The following PDE4B variants were observed in gnomAD, a reference collection of about 807,000 sequenced individuals.
The protein encoded by PDE4B is phosphodiesterase 4B.
A neutral mutation model predicts 82.2 loss-of-function variants in PDE4B; 20 were observed. The ratio of observed to expected loss-of-function variants is 0.24; its 90% CI spans 0.17 to 0.35. The LOEUF is 0.35. PDE4B is among the 10% of genes least tolerant of loss of function. The pLI is 1.00. For synonymous variants in PDE4B, 320 were observed against 318.9 expected, an observed-to-expected ratio of 1.00 and a Z score of -0.04; for missense variants, 655 against 907.2, an observed-to-expected ratio of 0.72 and a Z score of 3.57.
intron 12 of PDE4B, among the ~76,000 whole-genome samples, chr1:66,365,270 G>T (rs1390201306): frequency 6.6e-6 from 1 of 152,170 alleles, no homozygotes; most frequent in East Asian, 1.9e-4. Context: ...ATTCAGCTAA[G>T]AGTATATGAA....
At chr1:66,093,095 A>G (rs1017523307) in intron 3 of PDE4B, among the ~76,000 whole-genome samples, 37 of 152,150 alleles carry the variant, frequency 2.4e-4, no homozygotes, top group African/African-American at 8.9e-4. Context: ...CCCCAGTAGG[A>G]CAGGGTTTGT....
rs12047768 is a variant in PDE4B, at chr1:66,335,534, A to T, written c.747+2914A>T. Among the ~76,000 whole-genome samples the T allele has an allele frequency of 2.0e-5, 3 of 152,346 alleles. No homozygotes were observed. In the East Asian group the frequency reaches 5.8e-4, roughly 29 times the overall value. Reference sequence around the variant, plus strand: ...CTGAGTGATTCAAATCTCCTAAAAGACTTTCTCAAATGTACTTCATAGCCT... The same window carrying T: ...CTGAGTGATTCAAATCTCCTAAAAGTCTTTCTCAAATGTACTTCATAGCCT... On this transcript the variant is annotated intron_variant, in intron 8 of 16. Transcript: ENST00000341517.
At chr1:65,841,786 T>C (rs1646210495) in intron 1 of PDE4B, among the ~76,000 whole-genome samples, 1 of 152,150 alleles carries the variant, frequency 6.6e-6, no homozygotes, top group African/African-American at 2.4e-5. Flanking sequence ...TTTTAATCAA[T>C]AGATTAAAAG....
At chr1:66,014,590 G>A (rs562488955) in intron 3 of PDE4B, among the ~76,000 whole-genome samples, 3 of 152,198 alleles carry the variant, frequency 2.0e-5, no homozygotes, top group East Asian at 1.9e-4. Flanking sequence ...ACAGATTTAA[G>A]GGAAACTCAG....
chr1:66,011,911 C>T (rs1428079006), intron 3 of PDE4B, among the ~76,000 whole-genome samples: 1 of 152,004 alleles, frequency 6.6e-6, no homozygotes, highest in Admixed American at 6.6e-5. Context: ...TTGATGGATA[C>T]ATAAAGAATT....
intron 3 of PDE4B, among the ~76,000 whole-genome samples, chr1:65,927,070 G>A (rs1331506974): frequency 2.0e-5 from 3 of 151,962 alleles, no homozygotes; most frequent in Non-Finnish European, 2.9e-5. Context: ...AAACAAAACT[G>A]AGGAAACTCA....
At chr1:66,323,872 A>G (rs1659577587) in intron 7 of PDE4B, among the ~76,000 whole-genome samples, 1 of 152,158 alleles carries the variant, frequency 6.6e-6, no homozygotes, top group African/African-American at 2.4e-5. Flanking sequence ...TATTTTGTCA[A>G]TATATTTACT....
intron 3 of PDE4B, among the ~76,000 whole-genome samples, chr1:66,080,716 T>C (rs1656677942): frequency 6.6e-6 from 1 of 152,166 alleles, no homozygotes; most frequent in African/African-American, 2.4e-5. Context: ...TTGGAGATTT[T>C]TATTTTGAAA....
At chr1:66,359,888 GTTCTATGC>G (rs550815079) in intron 9 of PDE4B, among the ~76,000 whole-genome samples, 10 of 152,310 alleles carry the variant, frequency 6.6e-5, no homozygotes, top group Non-Finnish European at 1.5e-4. Context: ...CAAGGCCTGG[GTTCTATGC>G]TACTAAATCA....
chr1:66,142,880 G>C (rs1646200341), intron 3 of PDE4B, among the ~76,000 whole-genome samples: 1 of 152,184 alleles, frequency 6.6e-6, no homozygotes, highest in African/African-American at 2.4e-5. Flanking sequence ...ACTCAGTTCA[G>C]CTACCAGAAA....
intron 3 of PDE4B, among the ~76,000 whole-genome samples, chr1:66,203,493 G>A (rs180849287): frequency 7.2e-5 from 11 of 152,268 alleles, no homozygotes; most frequent in African/African-American, 1.9e-4. Flanking sequence ...CCAATCAGAC[G>A]TAGATTTGGT....
At chr1:66,126,806 A>G (rs1645833508) in intron 3 of PDE4B, among the ~76,000 whole-genome samples, 1 of 152,210 alleles carries the variant, frequency 6.6e-6, no homozygotes, top group Non-Finnish European at 1.5e-5. Context: ...AAAAATACTA[A>G]TTTTGTAATG....
intron 4 of PDE4B, among the ~76,000 whole-genome samples, chr1:66,253,644 GA>G (rs1427636094): frequency 1.3e-5 from 2 of 152,158 alleles, no homozygotes; most frequent in African/African-American, 2.4e-5. Flanking sequence ...TATGCCATTT[GA>G]TTCTTAACTA....
intron 1 of PDE4B, among the ~76,000 whole-genome samples, chr1:65,819,460 A>G (rs1235858060): frequency 2.0e-5 from 3 of 151,062 alleles, no homozygotes; most frequent in Non-Finnish European, 4.4e-5. Flanking sequence ...TCAGATATTT[A>G]CGAATATCCA....
In PDE4B at chr1:66,290,415, C is replaced by T. The variant is rs114239381; in HGVS notation, c.634+24328C>T. Among the ~76,000 whole-genome samples the T allele has an allele frequency of 3.3e-3, 500 of 152,218 alleles. 2 individuals are homozygous for T. Among genetic ancestry groups the T allele is most frequent in the African/African-American group, 0.011 (473 of 41,518 alleles). Reference sequence around the variant, plus strand: ...TAGTAACCTTATGAGTAGGTTTGTACGTACACTGTATCAAAACTGAGAGAG... The same window carrying T: ...TAGTAACCTTATGAGTAGGTTTGTATGTACACTGTATCAAAACTGAGAGAG... On this transcript the variant is annotated intron_variant, in intron 7 of 16. Transcript: ENST00000341517.
chr1:65,871,394 A>G (rs1259588326), intron 1 of PDE4B, among the ~76,000 whole-genome samples: 3 of 152,200 alleles, frequency 2.0e-5, no homozygotes, highest in Non-Finnish European at 2.9e-5. Flanking sequence ...AACTTACAGC[A>G]TGGATTAAAG....
chr1:65,989,833 C>T (rs1035160148), intron 3 of PDE4B, among the ~76,000 whole-genome samples: 2 of 149,140 alleles, frequency 1.3e-5, no homozygotes, highest in African/African-American at 4.9e-5. Context: ...TCTTAGATAG[C>T]ATTGGCTATT....
intron 1 of PDE4B, among the ~76,000 whole-genome samples, chr1:65,910,202 T>C (rs1647074121): frequency 6.6e-6 from 1 of 152,192 alleles, no homozygotes. Context: ...AGGTAAATCC[T>C]CCATCTCTGT....
At chr1:66,039,475 G>A (rs998785764) in intron 3 of PDE4B, among the ~76,000 whole-genome samples, 19 of 151,940 alleles carry the variant, frequency 1.3e-4, no homozygotes, top group African/African-American at 4.3e-4. Context: ...AAAATATGTT[G>A]TGTTTTCCCA....
Sources: allele counts gnomAD v4.1 joint callset (sites outside exome capture counted in the v4.1 genomes callset), GRCh38; gene constraint gnomAD v4.1.1; transcripts MANE v1.5; gene names NCBI Gene and HGNC (gene_info 2026-07-23, HGNC 2026-07-21).